The following REXO4 variants were observed in gnomAD, a reference collection of about 807,000 sequenced individuals.
REXO4 encodes RNA exonuclease 4, also known as REX4 homolog, 3'-5' exonuclease.
REXO4 carries 29 observed loss-of-function variants against 39.9 expected under a neutral mutation model. The ratio of observed to expected loss-of-function variants is 0.73; its 90% CI spans 0.54 to 0.99. The LOEUF is 0.99. REXO4 is among the 50% of genes least tolerant of loss of function. REXO4 has a pLI of 0.00. For synonymous variants in REXO4, 184 were observed against 206.2 expected (o/e 0.89, Z 0.92); for missense variants, 524 against 546.5 (o/e 0.96, Z 0.41).
Position 133,412,172 on chromosome 9 carries a change from C to T in REXO4, c.910+127G>A. Reference sequence around the variant, plus strand: ...TTTTGTATTTTAAAACCCATCGCCCCAAAAGGAGACAAGACGCATCAAAAC... The same window carrying T: ...TTTTGTATTTTAAAACCCATCGCCCTAAAAGGAGACAAGACGCATCAAAAC... On this transcript the variant is annotated intron_variant, in intron 4 of 7. Coordinates refer to ENST00000371942, the MANE Select transcript of REXO4 (RefSeq NM_020385.4). The T allele has an allele frequency of 2.1e-6, 2 of 973,804 alleles. 1 individual carries two copies. Among genetic ancestry groups the T allele is most frequent in the East Asian group, 4.8e-5 (2 of 41,532 alleles). 60.3% of individuals were successfully genotyped at this position (973,804 alleles called of 1,614,324 possible).
chr9:133,415,349 G>A (rs1169100024), intron 1 of REXO4, among the ~76,000 whole-genome samples: 1 of 151,540 alleles, frequency 6.6e-6, no homozygotes, highest in Non-Finnish European at 1.5e-5. Context: ...AGCTTATCTA[G>A]AAAGAATTTT....
chr9:133,408,316 AG>A (rs587772183), intron 6 of REXO4, among the ~76,000 whole-genome samples: 1 of 152,174 alleles, frequency 6.6e-6, no homozygotes, highest in African/African-American at 2.4e-5. Flanking sequence ...AAAATTAGCC[AG>A]GGGTGGTGGC....
chr9:133,417,474 G>C, intron 1 of REXO4, 146 bp downstream of exon 1: 1 of 806,832 alleles, frequency 1.2e-6, no homozygotes, highest in Non-Finnish European at 2.0e-6. Flanking sequence ...CCCTCAACAG[G>C]CCACCTTTCT....
Position 133,407,025 on chromosome 9 carries a change from C to G in REXO4, c.1197G>C (p.Lys399Asn). ...AAMRLYVMVK[K>N]EWESMARDRR... ...TGTCTCGGGCCATGCTCTCCCACTCCTTCTTCACCATGACGTACAGCCTCA... is the reference window on the plus strand; with the variant it reads ...TGTCTCGGGCCATGCTCTCCCACTCGTTCTTCACCATGACGTACAGCCTCA... The change falls in exon 8 of 8, where the codon AAG becomes AAC. Residue 399 changes from lysine to asparagine, a missense_variant. Coordinates refer to ENST00000371942, the MANE Select transcript of REXO4 (RefSeq NM_020385.4). 2 of 1,597,832 alleles carry G rather than the reference C, an allele frequency of 1.3e-6. No homozygotes were observed. Among genetic ancestry groups the G allele is most frequent in the Non-Finnish European group, 1.7e-6 (2 of 1,166,012 alleles).
At chr9:133,407,524 C>T (rs995614752) in intron 7 of REXO4, among the ~76,000 whole-genome samples, 6 of 151,918 alleles carry the variant, frequency 3.9e-5, no homozygotes, top group African/African-American at 1.2e-4. Flanking sequence ...TGGAGGGCTG[C>T]GGGGGTGGGG....
intron 4 of REXO4, 72 bp from the exon 5 acceptor site, chr9:133,411,145 C>T (rs1466018557): frequency 8.9e-6 from 11 of 1,242,744 alleles, no homozygotes; most frequent in South Asian, 2.4e-5. Context: ...GAGGCAGCCC[C>T]GCTCCTACCC....
chr9:133,406,760 GGACAGT>G lies in REXO4; in HGVS notation c.*187_*192del. On this transcript the variant is annotated 3_prime_UTR_variant, in exon 8 of 8. Transcript: ENST00000371942. ...TGACCATCCGGGCCCAAACACACAT[GGACAGT>G]AAGACCAGGTTTCAGACCACAAAGT... The G allele has an allele frequency of 1.2e-6, 1 of 806,432 alleles. No homozygotes were observed. The highest frequency in any genetic ancestry group is 1.9e-6 in the Non-Finnish European group (1 of 520,490). 50.0% of individuals were successfully genotyped at this position (806,432 alleles called of 1,614,324 possible).
intron 1 of REXO4, chr9:133,415,690 G>A (rs1554781425): frequency 6.6e-6 from 1 of 152,172 alleles, no homozygotes; most frequent in East Asian, 1.9e-4. Context: ...AGAACTGAAG[G>A]GCTGACTTTC....
rs587683055 is a variant in REXO4 at position 133,416,804 on chromosome 9, G to A, written c.225+816C>T. Among the ~76,000 whole-genome samples the A allele has an allele frequency of 3.3e-5, 5 of 152,186 alleles. No homozygotes were observed. The South Asian group carries it at 1.0e-3, about 31-fold the overall frequency. ...TCCTCATCTGTACAATAGCGATGAT[G>A]GAAGTGTCCACCTCACAGTCTTATT... On this transcript the variant is annotated intron_variant, in intron 1 of 7. Transcript: ENST00000371942.
intron 7 of REXO4, 125 bp downstream of exon 7, chr9:133,407,682 T>G: frequency 1.6e-6 from 1 of 617,328 alleles, no homozygotes; most frequent in Non-Finnish European, 2.8e-6. Context: ...TTTTGACCAA[T>G]AGCCTCGTAG....
intron 6 of REXO4, 146 bp downstream of exon 6, chr9:133,408,622 T>G: frequency 1.6e-6 from 1 of 634,688 alleles, no homozygotes. Flanking sequence ...AGCAGAACTC[T>G]ATTTTTAAAC....
chr9:133,412,339 C>T lies in REXO4; in HGVS notation c.870G>A (p.Arg290=), dbSNP rs1338609571. 2 of 1,614,006 alleles carry T rather than the reference C, an allele frequency of 1.2e-6. No individual in the cohort carries two copies. The highest frequency in any genetic ancestry group is 8.5e-7 in the Non-Finnish European group (1 of 1,180,048). The change falls in exon 4 of 8, where the codon AGG becomes AGA. Residue 290 remains arginine (R), a synonymous_variant. Coordinates refer to ENST00000371942, the MANE Select transcript of REXO4 (RefSeq NM_020385.4). ...CAGGCCGAATCCCACTGACCGCTGT[C>T]CTATAGTCCGTCACGGGCTCGGTTG... The part of the protein sequence containing the change: ...VKPTEPVTDY[R]TAVSGIRPEN...
intron 5 of REXO4, among the ~76,000 whole-genome samples, chr9:133,409,138 G>C (rs1839084979): frequency 6.6e-6 from 1 of 151,970 alleles, no homozygotes; most frequent in Non-Finnish European, 1.5e-5. Flanking sequence ...GCTAATTTTT[G>C]TATTTTTTAG....
At chr9:133,407,197 G>A (rs1838930910) in intron 7 of REXO4, 125 bp from the exon 8 acceptor site, 4 of 1,441,076 alleles carry the variant, frequency 2.8e-6, no homozygotes, top group Non-Finnish European at 3.8e-6. Flanking sequence ...CATGGACCTG[G>A]CCACGAGATG....
Position 133,406,555 on chromosome 9 carries a change from GA to G in REXO4, c.*397del. On this transcript the variant is annotated 3_prime_UTR_variant, in exon 8 of 8. Transcript: ENST00000371942. ...TGTTATGTCCCCTAACACAAAGGAG[GA>G]AAATGTGGCTCCTCGAGAGGAAGGT... 1 of 228,702 alleles carries G rather than the reference GA, an allele frequency of 4.4e-6. No homozygotes were observed. The highest frequency in any genetic ancestry group is 9.0e-6 in the Non-Finnish European group (1 of 111,488). 14.2% of individuals were successfully genotyped at this position (228,702 alleles called of 1,614,324 possible). A position where few individuals can be genotyped will look rare whatever the true frequency, so the allele number is the denominator to read the frequency against.
At chr9:133,413,590 A>T (rs28660681) in intron 2 of REXO4, among the ~76,000 whole-genome samples, 8,763 of 152,286 alleles carry the variant, frequency 0.058, 338 homozygotes, top group Non-Finnish European at 0.087. Context: ...AATGCCTGTA[A>T]GATGGAAACA....
In REXO4 at chr9:133,407,083, T is replaced by C. The variant is rs782413671; in HGVS notation, c.1150-11A>G. On this transcript the variant is annotated splice_polypyrimidine_tract_variant and intron_variant, in intron 7 of 7. Coordinates refer to ENST00000371942, the MANE Select transcript of REXO4 (RefSeq NM_020385.4). ...CTGGGCATCCTGAATCTAGACGACA[T>C]GAAACATCCCAGCAGGTGACGAGGC... 2 of 1,612,238 alleles carry C rather than the reference T, an allele frequency of 1.2e-6. No individual in the cohort carries two copies. Among genetic ancestry groups the C allele is most frequent in the Non-Finnish European group, 1.7e-6 (2 of 1,179,958 alleles).
chr9:133,412,082 AAGTC>A (rs1236750285), intron 4 of REXO4, among the ~76,000 whole-genome samples: 1 of 151,994 alleles, frequency 6.6e-6, no homozygotes, highest in African/African-American at 2.4e-5. Context: ...CCTGGTCTTG[AAGTC>A]AGCGGACAGG....
In REXO4 at chr9:133,406,925, G is replaced by C. The variant is rs189498072; in HGVS notation, c.*28C>G. Reference sequence around the variant, plus strand: ...GACTGGTCACATTGCCTCTGTAGCGGGGCGGCAGCAGCAGCAGGGCAGGAC... The same window carrying C: ...GACTGGTCACATTGCCTCTGTAGCGCGGCGGCAGCAGCAGCAGGGCAGGAC... On this transcript the variant is annotated 3_prime_UTR_variant, in exon 8 of 8. Transcript: ENST00000371942. The C allele has an allele frequency of 6.2e-7, 1 of 1,607,308 alleles. No individual in the cohort carries two copies. The highest frequency in any genetic ancestry group is 1.3e-5 in the African/African-American group (1 of 75,040).
Sources: gnomAD v4.1 joint callset for allele counts (sites outside exome capture counted in the v4.1 genomes callset) on GRCh38, gnomAD v4.1.1 for gene constraint, MANE v1.5 for transcripts, NCBI Gene and HGNC (gene_info 2026-07-23, HGNC 2026-07-21) for gene names.